DPP6: variants seen among roughly 807,000 people sequenced by gnomAD.
The protein encoded by DPP6 is dipeptidyl peptidase like 6, also known as A-type potassium channel modulatory protein DPP6.
DPP6 carries 69 observed loss-of-function variants against 122.6 expected under a neutral mutation model. That is an observed-to-expected ratio of 0.56 (90% CI 0.46 to 0.69). The LOEUF is 0.69. DPP6 is among the 30% of genes least tolerant of loss of function. DPP6 has a pLI of 0.00. For missense variants in DPP6, 928 were observed against 1,116.9 expected (o/e 0.83, Z 2.41); for synonymous variants, 418 against 433.1 (o/e 0.97, Z 0.43).
intron 1 of DPP6, among the ~76,000 whole-genome samples, chr7:154,344,458 C>T (rs940566917): frequency 1.1e-4 from 16 of 152,128 alleles, no homozygotes; most frequent in African/African-American, 3.9e-4. Flanking sequence ...CCCTCATACG[C>T]TGTTGGTGGG....
At chr7:154,749,886 A>G (rs1420986403) in intron 8 of DPP6, among the ~76,000 whole-genome samples, 1 of 116,110 alleles carries the variant, frequency 8.6e-6, no homozygotes, top group African/African-American at 3.5e-5. Context: ...AGAGGGTGAG[A>G]GAGCATAGGA....
At chr7:153,789,221 A>C in the DPP6 span, among the ~76,000 whole-genome samples, 1 of 152,168 alleles carries the variant, frequency 6.6e-6, no homozygotes, top group South Asian at 2.1e-4. Context: ...AAATGTTATA[A>C]CATAAAATTT....
At position 154,687,686 on chromosome 7, in the gene DPP6, T is replaced by C. The variant is rs1271521074; in HGVS notation, c.762+18245T>C. Among the ~76,000 whole-genome samples the C allele has an allele frequency of 2.6e-5, 4 of 152,364 alleles. No individual in the cohort carries two copies. The South Asian group carries it at 8.3e-4, about 32-fold the overall frequency. The stretch of plus-strand genomic sequence containing the variant: ...ATTTTGATATTCTTTGGCAGGAAGA[T>C]ACATTGATTTCAATGCAATTTATTC... On this transcript the variant is annotated intron_variant, in intron 7 of 25. Coordinates refer to ENST00000377770, the MANE Select transcript of DPP6 (RefSeq NM_130797.4).
chr7:154,184,168 G>T (rs1464469442), intron 1 of DPP6, among the ~76,000 whole-genome samples: 2 of 151,704 alleles, frequency 1.3e-5, no homozygotes, highest in African/African-American at 4.8e-5. Flanking sequence ...TCAGCATCAG[G>T]CAATGATTTT....
At chr7:154,612,425 A>G (rs925993267) in intron 5 of DPP6, among the ~76,000 whole-genome samples, 3 of 152,204 alleles carry the variant, frequency 2.0e-5, no homozygotes, top group African/African-American at 7.2e-5. Context: ...ACCTTGTAAG[A>G]TTGGCTTTTT....
chr7:153,831,952 A>G, the DPP6 span, among the ~76,000 whole-genome samples: 1 of 152,242 alleles, frequency 6.6e-6, no homozygotes. Flanking sequence ...TTATGATTTC[A>G]TAAAGTTCCC....
intron 1 of DPP6, among the ~76,000 whole-genome samples, chr7:154,117,554 C>CT (rs1238215728): frequency 2.6e-5 from 4 of 152,328 alleles, no homozygotes; most frequent in Middle Eastern, 3.4e-3. Context: ...TCTCCCCACT[C>CT]TATCTTCTCT....
chr7:154,273,082 A>G (rs933477674), intron 1 of DPP6, among the ~76,000 whole-genome samples: 1 of 152,222 alleles, frequency 6.6e-6, no homozygotes, highest in Non-Finnish European at 1.5e-5. Flanking sequence ...CTAGTGTAGA[A>G]GAATTTAATG....
At chr7:154,163,402 GTTTC>G (rs963358640) in intron 1 of DPP6, among the ~76,000 whole-genome samples, 1 of 152,036 alleles carries the variant, frequency 6.6e-6, no homozygotes, top group Non-Finnish European at 1.5e-5. Flanking sequence ...ATTGTTTTTT[GTTTC>G]TTTTTTATTT....
At chr7:154,807,215 C>A (rs1422517613) in intron 16 of DPP6, 103 bp downstream of exon 16, 64 of 1,483,314 alleles carry the variant, frequency 4.3e-5, no homozygotes, top group Non-Finnish European at 5.7e-5. Context: ...GTGGTGGGAG[C>A]ACAGCGTATT....
intron 1 of DPP6, among the ~76,000 whole-genome samples, chr7:153,922,843 C>T (rs1189925712): frequency 6.6e-6 from 1 of 152,212 alleles, no homozygotes; most frequent in Non-Finnish European, 1.5e-5. Flanking sequence ...GCCCCCAGCA[C>T]TCTGACGTGT....
the DPP6 span, among the ~76,000 whole-genome samples, chr7:153,810,671 CCTCTCTCTCT>C: frequency 0.013 from 1,616 of 124,704 alleles, 29 homozygotes; most frequent in Middle Eastern, 0.049. Context: ...CTCTCTCTCT[CCTCTCTCTCT>C]CTCTCTCTCT....
chr7:154,666,234 C>CATACATACATACATAT (rs1563080359), intron 6 of DPP6, among the ~76,000 whole-genome samples: 2 of 149,878 alleles, frequency 1.3e-5, no homozygotes, highest in African/African-American at 4.9e-5. Flanking sequence ...TACATACATA[C>CATACATACATACATAT]TATAACACAT....
intron 1 of DPP6, among the ~76,000 whole-genome samples, chr7:154,204,476 A>G (rs116915299): frequency 0.016 from 2,398 of 152,250 alleles, 35 homozygotes; most frequent in Non-Finnish European, 0.024. Flanking sequence ...GGAAGAATTA[A>G]TTATTCAATG....
chr7:154,295,123 T>A (rs1275859981), intron 1 of DPP6, among the ~76,000 whole-genome samples: 1 of 152,170 alleles, frequency 6.6e-6, no homozygotes, highest in Non-Finnish European at 1.5e-5. Flanking sequence ...ACAACCTGAA[T>A]GAAATCCAGC....
At chr7:154,787,599 T>G (rs1300895721) in intron 10 of DPP6, among the ~76,000 whole-genome samples, 1 of 152,204 alleles carries the variant, frequency 6.6e-6, no homozygotes, top group Non-Finnish European at 1.5e-5. Flanking sequence ...AACTTCAGAA[T>G]TATTTTATTT....
At chr7:154,579,648 G>C (rs1490450712) in intron 5 of DPP6, among the ~76,000 whole-genome samples, 2 of 152,188 alleles carry the variant, frequency 1.3e-5, no homozygotes, top group African/African-American at 4.8e-5. Flanking sequence ...TGAGTCAAAT[G>C]CCAGCCATGT....
intron 1 of DPP6, among the ~76,000 whole-genome samples, chr7:153,949,473 C>T (rs1203917097): frequency 1.3e-5 from 2 of 152,142 alleles, no homozygotes; most frequent in Admixed American, 1.3e-4. Flanking sequence ...CTGATGATTC[C>T]GAGATCCCTC....
At chr7:154,674,055 T>C (rs1838740458) in intron 7 of DPP6, among the ~76,000 whole-genome samples, 2 of 152,136 alleles carry the variant, frequency 1.3e-5, no homozygotes, top group African/African-American at 4.8e-5. Context: ...TTTGTGTTTT[T>C]AGCAGAGATG....
Sources: gnomAD v4.1 joint callset for allele counts (sites outside exome capture counted in the v4.1 genomes callset) on GRCh38, gnomAD v4.1.1 for gene constraint, MANE v1.5 for transcripts, NCBI Gene and HGNC (gene_info 2026-07-23, HGNC 2026-07-21) for gene names.